The following DDR2 variants were observed in gnomAD, a reference collection of about 807,000 sequenced individuals.
DDR2 encodes the protein discoidin domain receptor tyrosine kinase 2.
A neutral mutation model predicts 94.9 loss-of-function variants in DDR2; 27 were observed. The ratio of observed to expected loss-of-function variants is 0.28; its 90% CI spans 0.21 to 0.39. DDR2 has a LOEUF of 0.39. Ranked by LOEUF, DDR2 falls within the 10% of genes least tolerant of loss-of-function variation. The pLI is 1.00. For missense variants in DDR2, 783 were observed against 1,076.0 expected, an observed-to-expected ratio of 0.73 and a Z score of 3.81; for synonymous variants, 382 against 377.2, an observed-to-expected ratio of 1.01 and a Z score of -0.15.
rs1330842469 is a variant in DDR2, at chr1:162,785,106, A to G, written c.*4860A>G. 6.6e-6 allele frequency: 1 copy of G among 152,188 alleles called. No homozygotes were observed. Among genetic ancestry groups the G allele is most frequent in the Non-Finnish European group, 1.5e-5 (1 of 68,030 alleles). 9.4% of individuals were successfully genotyped at this position (152,188 alleles called of 1,614,324 possible). ...TTTCTGATTTGTTTGGCTGTTTGGC[A>G]TCTGAAACAATCCAAGACAAACTTA... On this transcript the variant is annotated 3_prime_UTR_variant, in exon 18 of 18. Coordinates refer to ENST00000367921, the MANE Select transcript of DDR2 (RefSeq NM_006182.4).
chr1:162,710,194 C>T (rs1660834993), intron 2 of DDR2, among the ~76,000 whole-genome samples: 1 of 152,156 alleles, frequency 6.6e-6, no homozygotes, highest in Non-Finnish European at 1.5e-5. Flanking sequence ...TCTAGCATCT[C>T]ATTTTACAGA....
intron 9 of DDR2, among the ~76,000 whole-genome samples, chr1:162,761,935 T>C (rs1332132853): frequency 3.3e-5 from 5 of 152,230 alleles, no homozygotes; most frequent in Non-Finnish European, 5.9e-5. Context: ...TACTACTTGA[T>C]TTCATTAGCA....
chr1:162,716,044 G>A (rs1661153713), intron 2 of DDR2, among the ~76,000 whole-genome samples: 1 of 152,112 alleles, frequency 6.6e-6, no homozygotes, highest in Non-Finnish European at 1.5e-5. Flanking sequence ...TAATACTTTG[G>A]CAATATAAGA....
At chr1:162,675,331 G>A (rs572452163) in intron 2 of DDR2, among the ~76,000 whole-genome samples, 4 of 152,292 alleles carry the variant, frequency 2.6e-5, no homozygotes, top group Non-Finnish European at 4.4e-5. Flanking sequence ...GGGTTCTGGC[G>A]GTGGCACAGC....
chr1:162,710,212 G>T (rs1660835619), intron 2 of DDR2, among the ~76,000 whole-genome samples: 1 of 152,168 alleles, frequency 6.6e-6, no homozygotes, highest in Non-Finnish European at 1.5e-5. Context: ...AGAAGGAAAG[G>T]CTGAGATGGA....
rs187947354 is a variant in DDR2 at position 162,753,065 on chromosome 1, C to G, written c.83-30C>G. ...GGAAATAAAAATAAAACCATGTCCTCTCTTTTCTCTTTGGTTTCTCTTGGT... is the reference window on the plus strand; with the variant it reads ...GGAAATAAAAATAAAACCATGTCCTGTCTTTTCTCTTTGGTTTCTCTTGGT... On this transcript the variant is annotated intron_variant, in intron 3 of 17. Coordinates refer to ENST00000367921, the MANE Select transcript of DDR2 (RefSeq NM_006182.4). 1.8e-4 allele frequency: 283 copies of G among 1,580,008 alleles called. 1 individual carries two copies. The African/African-American group carries it at 3.5e-3, about 19-fold the overall frequency.
At chr1:162,688,114 T>A (rs150378197) in intron 2 of DDR2, among the ~76,000 whole-genome samples, 59 of 152,324 alleles carry the variant, frequency 3.9e-4, no homozygotes, top group Non-Finnish European at 7.3e-4. Flanking sequence ...CTGGACATGT[T>A]CTAAGTGGCT....
intron 2 of DDR2, among the ~76,000 whole-genome samples, chr1:162,718,649 T>C (rs1661277983): frequency 6.6e-6 from 1 of 152,196 alleles, no homozygotes; most frequent in Non-Finnish European, 1.5e-5. Flanking sequence ...ACATTAAAAG[T>C]AAATGCTTCT....
intron 1 of DDR2, among the ~76,000 whole-genome samples, chr1:162,652,322 GA>G (rs1657737376): frequency 6.6e-6 from 1 of 152,196 alleles, no homozygotes; most frequent in Admixed American, 6.5e-5. Flanking sequence ...GGGCAGATTG[GA>G]AAGCTGAAAC....
rs143554745 is a variant in DDR2, at chr1:162,720,419, T to C, written c.82+1274T>C. ...TAAATGGAATTAGATGATGCATAAA[T>C]ACTCTTTGTGTCTGGCTTCTTTCAC... On this transcript the variant is annotated intron_variant, in intron 3 of 17. Coordinates refer to ENST00000367921, the MANE Select transcript of DDR2 (RefSeq NM_006182.4). Among the ~76,000 whole-genome samples the C allele has an allele frequency of 1.9e-3, 292 of 151,262 alleles. 1 individual carries two copies. Among genetic ancestry groups the C allele is most frequent in the African/African-American group, 6.9e-3 (282 of 41,166 alleles).
chr1:162,733,425 A>T (rs1662153609), intron 3 of DDR2, among the ~76,000 whole-genome samples: 1 of 152,170 alleles, frequency 6.6e-6, no homozygotes, highest in Admixed American at 6.5e-5. Flanking sequence ...ATTCAGTAGG[A>T]TGAGAAAGGT....
At chr1:162,708,056 G>C (rs1660736030) in intron 2 of DDR2, among the ~76,000 whole-genome samples, 1 of 152,182 alleles carries the variant, frequency 6.6e-6, no homozygotes, top group South Asian at 2.1e-4. Context: ...TTCTGTCTCT[G>C]ATGGTTTCAG....
chr1:162,664,422 T>G (rs1403937522), intron 2 of DDR2, among the ~76,000 whole-genome samples: 1 of 152,082 alleles, frequency 6.6e-6, no homozygotes, highest in East Asian at 1.9e-4. Context: ...AAGGACAAAA[T>G]CTATACACAA....
At chr1:162,633,512 A>T (rs1265214499) in intron 1 of DDR2, among the ~76,000 whole-genome samples, 1 of 152,226 alleles carries the variant, frequency 6.6e-6, no homozygotes, top group Non-Finnish European at 1.5e-5. Flanking sequence ...CGCTCCACAG[A>T]TGTAAAAAAT....
chr1:162,748,153 T>TTAAC (rs1662979067), intron 3 of DDR2, among the ~76,000 whole-genome samples: 1 of 152,156 alleles, frequency 6.6e-6, no homozygotes, highest in Non-Finnish European at 1.5e-5. Flanking sequence ...TGTAACAATA[T>TTAAC]TAACCTTAAA....
At chr1:162,729,402 A>G (rs991053634) in intron 3 of DDR2, among the ~76,000 whole-genome samples, 131 of 149,142 alleles carry the variant, frequency 8.8e-4, no homozygotes, top group Non-Finnish European at 1.1e-3. Context: ...TGGCAAGATA[A>G]CCCTCACAGA....
chr1:162,756,721 TC>T (rs1176063827), intron 7 of DDR2, among the ~76,000 whole-genome samples: 4 of 152,146 alleles, frequency 2.6e-5, no homozygotes, highest in Non-Finnish European at 5.9e-5. Flanking sequence ...CTAGCTGCCA[TC>T]CCCTGGGTGA....
chr1:162,749,254 G>A (rs191965253), intron 3 of DDR2, among the ~76,000 whole-genome samples: 1,671 of 152,088 alleles, frequency 0.011, 33 homozygotes, highest in African/African-American at 0.038. Context: ...TTGATAGACC[G>A]CTAGCAAGAC....
At position 162,645,209 on chromosome 1, in the gene DDR2, A is replaced by G. The variant is rs551252080; in HGVS notation, c.-191-10002A>G. 1.5e-3 allele frequency among the ~76,000 whole-genome samples: 231 copies of G among 152,316 alleles called. 4 individuals are homozygous for G. The highest frequency in any genetic ancestry group is 5.2e-3 in the African/African-American group (216 of 41,568). Reference sequence around the variant, plus strand: ...GATGATAGAAGAGTAGACAGCCCTGAACAAACCTTTCCTCAGGATTGTCCC... The same window carrying G: ...GATGATAGAAGAGTAGACAGCCCTGGACAAACCTTTCCTCAGGATTGTCCC... On this transcript the variant is annotated intron_variant, in intron 1 of 17. Coordinates refer to ENST00000367921, the MANE Select transcript of DDR2 (RefSeq NM_006182.4).
Sources: allele counts gnomAD v4.1 joint callset (sites outside exome capture counted in the v4.1 genomes callset), GRCh38; gene constraint gnomAD v4.1.1; transcripts MANE v1.5; gene names NCBI Gene and HGNC (gene_info 2026-07-23, HGNC 2026-07-21).